Variants in C10orf90 observed in about 807,000 individuals in gnomAD.
C10orf90 encodes the protein chromosome 10 open reading frame 90.
Under a neutral mutation model 62.5 loss-of-function variants are expected in C10orf90, and 56 were observed. The observed-to-expected ratio is 0.90, with a 90% CI of 0.72 to 1.12. The LOEUF is 1.12. Ranked by LOEUF, C10orf90 falls within the 50% of genes most tolerant of loss-of-function variation. C10orf90 has a pLI of 0.00. For missense variants in C10orf90, 970 were observed against 880.4 expected (o/e 1.10, Z -1.29); for synonymous variants, 386 against 340.4 (o/e 1.13, Z -1.47).
intron 3 of C10orf90, among the ~76,000 whole-genome samples, chr10:126,507,232 C>A (rs1450896386): frequency 6.6e-6 from 1 of 151,662 alleles, no homozygotes; most frequent in Non-Finnish European, 1.5e-5. Context: ...TGGCAGGCGC[C>A]TGTAGTCCCA....
chr10:126,552,540 G>A (rs532389832), intron 2 of C10orf90, among the ~76,000 whole-genome samples: 40 of 152,332 alleles, frequency 2.6e-4, no homozygotes, highest in South Asian at 8.3e-4. Flanking sequence ...CGTTCTCGCT[G>A]CAAAGACCAG....
intron 2 of C10orf90, among the ~76,000 whole-genome samples, chr10:126,556,930 G>A (rs1564870297): frequency 6.6e-6 from 1 of 151,688 alleles, no homozygotes; most frequent in Admixed American, 6.6e-5. Flanking sequence ...CTTCCTGAAG[G>A]CTCTGGATAA....
At chr10:126,501,215 C>T (rs944301489) in intron 4 of C10orf90, among the ~76,000 whole-genome samples, 3 of 152,208 alleles carry the variant, frequency 2.0e-5, no homozygotes, top group Admixed American at 6.5e-5. Context: ...TCAGCAAGCT[C>T]ACCCTCCACA....
intron 2 of C10orf90, among the ~76,000 whole-genome samples, chr10:126,605,488 G>A (rs1018034311): frequency 2.0e-5 from 3 of 152,204 alleles, no homozygotes; most frequent in African/African-American, 7.2e-5. Context: ...CCTTGGAGAG[G>A]CCCCTGCGCC....
chr10:126,459,248 T>C, intron 6 of C10orf90, 31 bp from the exon 7 acceptor site: 2 of 1,610,102 alleles, frequency 1.2e-6, no homozygotes, highest in Non-Finnish European at 1.7e-6. Flanking sequence ...ACGTCATTTT[T>C]AAGAGCAGTG....
chr10:126,656,520 C>A (rs1426043355), intron 1 of C10orf90, among the ~76,000 whole-genome samples: 1 of 152,224 alleles, frequency 6.6e-6, no homozygotes, highest in African/African-American at 2.4e-5. Flanking sequence ...CCTTGCTCCT[C>A]TGCTGCCTCA....
intron 2 of C10orf90, among the ~76,000 whole-genome samples, chr10:126,583,686 G>A (rs538679881): frequency 1.1e-4 from 16 of 152,286 alleles, no homozygotes; most frequent in Non-Finnish European, 1.9e-4. Flanking sequence ...ACAGCTGTCC[G>A]GAGTCTCTCT....
intron 2 of C10orf90, among the ~76,000 whole-genome samples, chr10:126,635,070 A>G (rs1223930413): frequency 6.6e-6 from 1 of 152,154 alleles, no homozygotes; most frequent in Non-Finnish European, 1.5e-5. Flanking sequence ...AATCACCCTT[A>G]CAGATTGTTT....
chr10:126,517,104 G>A (rs141086380), intron 2 of C10orf90, among the ~76,000 whole-genome samples: 1 of 152,102 alleles, frequency 6.6e-6, no homozygotes, highest in African/African-American at 2.4e-5. Flanking sequence ...AACATCTTTG[G>A]GGGTGGAGGG....
intron 4 of C10orf90, among the ~76,000 whole-genome samples, chr10:126,475,021 AG>A (rs1860782311): frequency 6.6e-6 from 1 of 152,240 alleles, no homozygotes; most frequent in Non-Finnish European, 1.5e-5. Flanking sequence ...TGGGCAGACC[AG>A]GTGGGATCCT....
intron 2 of C10orf90, among the ~76,000 whole-genome samples, chr10:126,594,375 A>G (rs1370105): frequency 0.12 from 18,317 of 152,136 alleles, 2,055 homozygotes; most frequent in African/African-American, 0.28. Flanking sequence ...TGTTAGCAAT[A>G]ATCATCTCTG....
At chr10:126,571,370 G>A (rs1591109673) in intron 2 of C10orf90, among the ~76,000 whole-genome samples, 1 of 152,288 alleles carries the variant, frequency 6.6e-6, no homozygotes, top group East Asian at 1.9e-4. Flanking sequence ...GAGCCCGGTG[G>A]CCCAAGTCAC....
intron 1 of C10orf90, among the ~76,000 whole-genome samples, chr10:126,654,235 T>A (rs925892491): frequency 2.0e-5 from 3 of 152,220 alleles, no homozygotes; most frequent in African/African-American, 7.2e-5. Context: ...TCACTAACTA[T>A]GAAAGTCCTA....
chr10:126,494,698 TTTAAC>T (rs767444092), intron 4 of C10orf90, among the ~76,000 whole-genome samples: 49 of 152,212 alleles, frequency 3.2e-4, no homozygotes, highest in Non-Finnish European at 5.0e-4. Flanking sequence ...TAAGAAAAAC[TTTAAC>T]TTCCGATTCT....
chr10:126,653,013 G>A (rs1271397587), intron 1 of C10orf90, among the ~76,000 whole-genome samples: 2 of 152,290 alleles, frequency 1.3e-5, no homozygotes, highest in South Asian at 2.1e-4. Context: ...TATTAAAGGT[G>A]TATTATGTCA....
intron 2 of C10orf90, among the ~76,000 whole-genome samples, chr10:126,628,378 T>C (rs1047664444): frequency 6.6e-6 from 1 of 152,148 alleles, no homozygotes; most frequent in African/African-American, 2.4e-5. Flanking sequence ...GATGGATAGA[T>C]CTATGGACGG....
chr10:126,588,076 G>A (rs1844908842), intron 2 of C10orf90, among the ~76,000 whole-genome samples: 1 of 152,224 alleles, frequency 6.6e-6, no homozygotes, highest in Admixed American at 6.5e-5. Flanking sequence ...GAGACTGCCA[G>A]AGATGGACCA....
At chr10:126,435,439 G>A (rs986807206) in intron 7 of C10orf90, among the ~76,000 whole-genome samples, 3 of 152,194 alleles carry the variant, frequency 2.0e-5, no homozygotes, top group Non-Finnish European at 4.4e-5. Flanking sequence ...CCATCTTGCA[G>A]CTTCCATGGA....
At chr10:126,591,520 C>T (rs1454319973) in intron 2 of C10orf90, among the ~76,000 whole-genome samples, 1 of 152,002 alleles carries the variant, frequency 6.6e-6, no homozygotes, top group African/African-American at 2.4e-5. Context: ...AAACTCTCAG[C>T]AGACTAGGTA....
Sources: allele counts gnomAD v4.1 joint callset (sites outside exome capture counted in the v4.1 genomes callset), GRCh38; gene constraint gnomAD v4.1.1; transcripts MANE v1.5; gene names NCBI Gene and HGNC (gene_info 2026-07-23, HGNC 2026-07-21).